The following ARHGAP6 variants were observed in gnomAD, a reference collection of about 807,000 sequenced individuals.
ARHGAP6 encodes the protein Rho GTPase activating protein 6.
Under a neutral mutation model 55.7 loss-of-function variants are expected in ARHGAP6, and 16 were observed. That is an observed-to-expected ratio of 0.29 (90% CI 0.19 to 0.44). ARHGAP6 has a LOEUF of 0.44. Ranked by LOEUF, ARHGAP6 falls within the 20% of genes least tolerant of loss-of-function variation. The pLI is 1.00. For missense variants in ARHGAP6, 698 were observed against 808.9 expected (o/e 0.86, Z 1.66); for synonymous variants, 382 against 360.9 (o/e 1.06, Z -0.66).
chrX:11,176,250 T>C (rs2046213824), intron 8 of ARHGAP6, among the ~76,000 whole-genome samples: 2 of 68,859 alleles, frequency 2.9e-5, no homozygotes, highest in African/African-American at 9.6e-5. Flanking sequence ...TATATATATA[T>C]ATATATATAT....
At chrX:11,233,256 G>A (rs1436720936) in intron 2 of ARHGAP6, among the ~76,000 whole-genome samples, 3 of 112,090 alleles carry the variant, frequency 2.7e-5, no homozygotes, top group Non-Finnish European at 3.8e-5. Flanking sequence ...GGTAGTTCAC[G>A]TCTGTTTAGC....
chrX:11,148,491 A>G (rs916723919), intron 10 of ARHGAP6: 9 of 212,866 alleles, frequency 4.2e-5, no homozygotes, highest in Admixed American at 3.0e-4. Flanking sequence ...TCACCAGTCT[A>G]CATGGGTTTG....
intron 1 of ARHGAP6, among the ~76,000 whole-genome samples, chrX:11,316,516 C>G (rs1255472230): frequency 8.9e-6 from 1 of 112,361 alleles, no homozygotes; most frequent in Non-Finnish European, 1.9e-5. Flanking sequence ...CTTCATTAAG[C>G]CAATTAACAT....
chrX:11,481,719 G>A (rs1603227347), intron 1 of ARHGAP6, among the ~76,000 whole-genome samples: 1 of 112,531 alleles, frequency 8.9e-6, no homozygotes, highest in East Asian at 2.8e-4. Context: ...CTAAAACATT[G>A]TTTGTTTTCT....
chrX:11,557,483 C>A lies in ARHGAP6; in HGVS notation c.588+106758G>T, dbSNP rs867534154. ...GTTTTGTGTTGTGTTTTCTGAAAGGCAAAAAAAAAAAATTATGAAGAAAAA... is the reference window on the plus strand; with the variant it reads ...GTTTTGTGTTGTGTTTTCTGAAAGGAAAAAAAAAAAAATTATGAAGAAAAA... On this transcript the variant is annotated intron_variant, in intron 1 of 12. Coordinates refer to ENST00000337414, the MANE Select transcript of ARHGAP6 (RefSeq NM_013427.3). 3.0e-3 allele frequency among the ~76,000 whole-genome samples: 263 copies of A among 87,732 alleles called. 1 individual carries two copies. Among genetic ancestry groups the A allele is most frequent in the Non-Finnish European group, 3.5e-3 (150 of 43,021 alleles). 76.2% of individuals were successfully genotyped at this position (87,732 alleles called of 115,157 possible). A position where few individuals can be genotyped will look rare whatever the true frequency, so the allele number is the denominator to read the frequency against.
chrX:11,639,944 T>C (rs2052457533), intron 1 of ARHGAP6, among the ~76,000 whole-genome samples: 1 of 111,422 alleles, frequency 9.0e-6, no homozygotes, highest in African/African-American at 3.3e-5. Flanking sequence ...CATTTTTTGT[T>C]AAAAATTTTA....
At chrX:11,356,625 T>C (rs1215923292) in intron 1 of ARHGAP6, among the ~76,000 whole-genome samples, 1 of 111,331 alleles carries the variant, frequency 9.0e-6, no homozygotes, top group African/African-American at 3.3e-5. Flanking sequence ...TTCTTAAATC[T>C]CTTGATCACT....
At chrX:11,583,310 A>G (rs186792737) in intron 1 of ARHGAP6, among the ~76,000 whole-genome samples, 3 of 112,395 alleles carry the variant, frequency 2.7e-5, no homozygotes, top group African/African-American at 9.7e-5. Context: ...CAGGCTCAGA[A>G]AAGAGTTTTG....
intron 10 of ARHGAP6, chrX:11,148,647 A>G (rs775447664): frequency 5.3e-6 from 2 of 374,371 alleles, no homozygotes; most frequent in South Asian, 4.7e-5. Flanking sequence ...TGGTCCCTCC[A>G]GGTCAGGGCG....
chrX:11,169,758 A>G, intron 8 of ARHGAP6, 74 bp from the exon 9 acceptor site: 1 of 860,971 alleles, frequency 1.2e-6, no homozygotes, highest in Non-Finnish European at 1.6e-6. Flanking sequence ...ACAATCAATG[A>G]AACCTTTTAC....
At chrX:11,427,500 C>A (rs1427504895) in intron 1 of ARHGAP6, 144 of 930,535 alleles carry the variant, frequency 1.5e-4, no homozygotes, top group Non-Finnish European at 1.9e-4. Flanking sequence ...CCACCCGGAG[C>A]GGCCCAGTGG....
chrX:11,174,640 TTTCTTTC>T lies in ARHGAP6; in HGVS notation c.1629+3453_1629+3459del, dbSNP rs1569241594. 3.1e-4 allele frequency among the ~76,000 whole-genome samples: 21 copies of T among 68,034 alleles called. 1 individual carries two copies. The highest frequency in any genetic ancestry group is 9.6e-4 in the East Asian group (2 of 2,091). 59.1% of individuals were successfully genotyped at this position (68,034 alleles called of 115,157 possible). On this transcript the variant is annotated intron_variant, in intron 8 of 12. Transcript: ENST00000337414. ...TCTCTTTCTTTTCTTTCTTTCTTTC[TTTCTTTC>T]TTTCTTTCTTTCTTTCTTTCTTTCT...
chrX:11,337,275 T>C (rs1298027565), intron 1 of ARHGAP6, among the ~76,000 whole-genome samples: 1 of 111,780 alleles, frequency 8.9e-6, no homozygotes, highest in African/African-American at 3.3e-5. Flanking sequence ...TTACATTATA[T>C]ACTATATATA....
chrX:11,478,841 G>C (rs1324378336), intron 1 of ARHGAP6, among the ~76,000 whole-genome samples: 2 of 111,685 alleles, frequency 1.8e-5, no homozygotes, highest in East Asian at 2.8e-4. Flanking sequence ...ATTCTTCCTA[G>C]AGCAAAGTGA....
chrX:11,298,585 T>C lies in ARHGAP6; in HGVS notation c.589-43878A>G, dbSNP rs780365505. 2.4e-5 allele frequency: 29 copies of C among 1,208,894 alleles called. No homozygotes were observed. The African/African-American group carries it at 4.6e-4, about 19-fold the overall frequency. ...GGTTACGAGCCCATGGGTGGATGGCTGCACCACCAAATCATCCCCGTGCTG... is the reference window on the plus strand; with the variant it reads ...GGTTACGAGCCCATGGGTGGATGGCCGCACCACCAAATCATCCCCGTGCTG... On this transcript the variant is annotated intron_variant, in intron 1 of 12. Coordinates refer to ENST00000337414, the MANE Select transcript of ARHGAP6 (RefSeq NM_013427.3).
At chrX:11,242,217 T>C (rs1374228322) in intron 2 of ARHGAP6, among the ~76,000 whole-genome samples, 2 of 112,310 alleles carry the variant, frequency 1.8e-5, no homozygotes, top group Non-Finnish European at 3.8e-5. Flanking sequence ...CATTAAGATA[T>C]TTGATTTGTT....
At chrX:11,604,722 T>C (rs749288182) in intron 1 of ARHGAP6, among the ~76,000 whole-genome samples, 12 of 111,935 alleles carry the variant, frequency 1.1e-4, no homozygotes, top group Non-Finnish European at 2.3e-4. Context: ...GATAAACCTA[T>C]GAGGAAGTGA....
intron 1 of ARHGAP6, among the ~76,000 whole-genome samples, chrX:11,382,369 A>G (rs1308848847): frequency 1.8e-5 from 2 of 111,657 alleles, no homozygotes; most frequent in Non-Finnish European, 3.8e-5. Context: ...GGTAATTGTT[A>G]TATTAATAAT....
intron 1 of ARHGAP6, among the ~76,000 whole-genome samples, chrX:11,419,979 G>T (rs1318592522): frequency 8.9e-6 from 1 of 111,929 alleles, no homozygotes; most frequent in Non-Finnish European, 1.9e-5. Flanking sequence ...TGTTAGAAAA[G>T]TTCTAAGAAA....
Sources: gnomAD v4.1 joint callset for allele counts (sites outside exome capture counted in the v4.1 genomes callset) on GRCh38, gnomAD v4.1.1 for gene constraint, MANE v1.5 for transcripts, NCBI Gene and HGNC (gene_info 2026-07-23, HGNC 2026-07-21) for gene names.